The following TSHZ2 variants were observed in gnomAD, a reference collection of about 807,000 sequenced individuals.
TSHZ2 encodes teashirt homolog 2.
Under a neutral mutation model 74.4 loss-of-function variants are expected in TSHZ2, and 21 were observed. The observed-to-expected ratio is 0.28, with a 90% CI of 0.20 to 0.41. The LOEUF (loss-of-function observed/expected upper bound fraction) is 0.41. Ranked by LOEUF, TSHZ2 falls within the 10% of genes least tolerant of loss-of-function variation. TSHZ2 has a pLI of 1.00. For missense variants in TSHZ2, 1,244 were observed against 1,293.5 expected (o/e 0.96, Z 0.59); for synonymous variants, 540 against 515.3 (o/e 1.05, Z -0.65).
At chr20:53,185,823 A>C (rs545916397) in intron 1 of TSHZ2, 1 of 1,070,264 alleles carries the variant, frequency 9.3e-7, no homozygotes, top group East Asian at 2.6e-5. Flanking sequence ...AATTTAATTG[A>C]GTTTTTAAAT....
chr20:53,293,969 G>A (rs1200595300), intron 2 of TSHZ2, among the ~76,000 whole-genome samples: 1 of 152,074 alleles, frequency 6.6e-6, no homozygotes, highest in Non-Finnish European at 1.5e-5. Flanking sequence ...TGGGCCGAGA[G>A]ATCATGCCAC....
chr20:53,230,764 CACTTGTAATCCCAGCT>C (rs1989805848), intron 1 of TSHZ2, among the ~76,000 whole-genome samples: 1 of 151,808 alleles, frequency 6.6e-6, no homozygotes, highest in African/African-American at 2.4e-5. Context: ...TGGTGGTGGC[CACTTGTAATCCCAGCT>C]ACTCAGGAGG....
chr20:53,378,297 G>A (rs968366818), intron 2 of TSHZ2, among the ~76,000 whole-genome samples: 7 of 151,254 alleles, frequency 4.6e-5, no homozygotes, highest in South Asian at 2.1e-4. Context: ...CCAAGATTGC[G>A]CCACTACACT....
At chr20:53,115,802 A>T (rs923463580) in intron 1 of TSHZ2, among the ~76,000 whole-genome samples, 2 of 152,122 alleles carry the variant, frequency 1.3e-5, no homozygotes, top group Admixed American at 6.5e-5. Context: ...TGCAAAGGCC[A>T]CTGGTGGGGA....
intron 1 of TSHZ2, among the ~76,000 whole-genome samples, chr20:53,027,221 G>A (rs11906081): frequency 0.047 from 7,188 of 152,094 alleles, 371 homozygotes; most frequent in South Asian, 0.11. Flanking sequence ...GGGTTAGGAT[G>A]TACTTTTCAT....
In TSHZ2 at chr20:53,198,794, G is replaced by A. The variant is rs1988933126; in HGVS notation, c.41-54705G>A. ...TTGGGATTCAGCTTTGATAATCAAT[G>A]CCATACCATGTCCTTGGGCATGTTA... On this transcript the variant is annotated intron_variant, in intron 1 of 2. Transcript: ENST00000371497. Among the ~76,000 whole-genome samples, 3 of 152,184 alleles carry A rather than the reference G, an allele frequency of 2.0e-5. No homozygotes were observed. The South Asian group carries it at 6.2e-4, about 32-fold the overall frequency.
At chr20:53,109,316 G>T (rs1600694863) in intron 1 of TSHZ2, among the ~76,000 whole-genome samples, 3 of 152,294 alleles carry the variant, frequency 2.0e-5, no homozygotes, top group Admixed American at 6.5e-5. Flanking sequence ...TCATGGGAGG[G>T]TGTGTCTGTC....
chr20:53,462,640 G>A (rs1985416018), intron 2 of TSHZ2, among the ~76,000 whole-genome samples: 1 of 152,216 alleles, frequency 6.6e-6, no homozygotes, highest in Non-Finnish European at 1.5e-5. Flanking sequence ...TCTAGTAAAT[G>A]TTATAAGGAA....
At chr20:53,327,538 C>T (rs1979545849) in intron 2 of TSHZ2, among the ~76,000 whole-genome samples, 1 of 152,164 alleles carries the variant, frequency 6.6e-6, no homozygotes, top group Non-Finnish European at 1.5e-5. Context: ...TACAGTGCTT[C>T]CTGGAAGACC....
chr20:53,223,963 G>A (rs1212523281), intron 1 of TSHZ2, among the ~76,000 whole-genome samples: 1 of 152,006 alleles, frequency 6.6e-6, no homozygotes, highest in African/African-American at 2.4e-5. Context: ...GGTGAAACCT[G>A]AGTAGGTCAG....
intron 1 of TSHZ2, among the ~76,000 whole-genome samples, chr20:53,096,927 C>CAAAAACA (rs572772850): frequency 6.7e-5 from 9 of 134,772 alleles, no homozygotes; most frequent in Non-Finnish European, 1.7e-5. Flanking sequence ...AAAAACAAAA[C>CAAAAACA]AAAAACAAAA....
In TSHZ2 at chr20:53,255,501, C is replaced by T; in HGVS notation, c.2043C>T (p.Ala681=). ...EPTSALSNGC[A]LANHAPALPC... is the part of the protein sequence containing the mutation. The stretch of plus-strand genomic sequence containing the variant: ...CATCTGCTCTGAGCAATGGGTGCGC[C>T]CTCGCCAACCACGCCCCGGCCCTGC... The change falls in exon 2 of 3, where the codon GCC becomes GCT. Residue 681 remains alanine, a synonymous_variant. Transcript: ENST00000371497. The surrounding 1 kb of genome is among the most constrained non-coding windows in gnomAD (Gnocchi z 4.1). 6.3e-7 allele frequency: 1 copy of T among 1,594,860 alleles called. No homozygotes were observed. Among genetic ancestry groups the T allele is most frequent in the Non-Finnish European group, 8.5e-7 (1 of 1,173,076 alleles).
At chr20:53,107,757 G>A (rs1388257987) in intron 1 of TSHZ2, among the ~76,000 whole-genome samples, 1 of 152,214 alleles carries the variant, frequency 6.6e-6, no homozygotes, top group Non-Finnish European at 1.5e-5. Flanking sequence ...TCCATGTGCA[G>A]AAGTATTAAT....
At chr20:53,024,719 TC>T (rs1298374646) in intron 1 of TSHZ2, among the ~76,000 whole-genome samples, 1 of 152,122 alleles carries the variant, frequency 6.6e-6, no homozygotes, top group Non-Finnish European at 1.5e-5. Flanking sequence ...ATTGTTCAGC[TC>T]CCACTTATGA....
chr20:53,252,486 T>C (rs533774261), intron 1 of TSHZ2, among the ~76,000 whole-genome samples: 1 of 152,304 alleles, frequency 6.6e-6, no homozygotes, highest in East Asian at 1.9e-4. Context: ...GTGAAGAAAA[T>C]GAGCCCATAG....
At chr20:53,354,237 A>G (rs140303347) in intron 2 of TSHZ2, among the ~76,000 whole-genome samples, 57 of 152,342 alleles carry the variant, frequency 3.7e-4, no homozygotes, top group South Asian at 2.7e-3. Context: ...TAAGAGTCCA[A>G]TGACAATTTC....
chr20:53,114,829 G>A (rs1418103912), intron 1 of TSHZ2, among the ~76,000 whole-genome samples: 1 of 152,058 alleles, frequency 6.6e-6, no homozygotes, highest in African/African-American at 2.4e-5. Flanking sequence ...GTGTGTGTTT[G>A]CCTCCAGCAA....
At chr20:53,155,872 G>A (rs921303867) in intron 1 of TSHZ2, among the ~76,000 whole-genome samples, 1 of 152,104 alleles carries the variant, frequency 6.6e-6, no homozygotes, top group Non-Finnish European at 1.5e-5. Flanking sequence ...GGCTGTCTGG[G>A]TCACAAACTT....
chr20:53,095,434 TG>T (rs1198569652), intron 1 of TSHZ2, among the ~76,000 whole-genome samples: 1 of 152,184 alleles, frequency 6.6e-6, no homozygotes, highest in Non-Finnish European at 1.5e-5. Flanking sequence ...CAGCTGGAGC[TG>T]GGGATGGAGC....
Sources: gnomAD v4.1 joint callset for allele counts (sites outside exome capture counted in the v4.1 genomes callset) on GRCh38, gnomAD v4.1.1 for gene constraint, Gnocchi (gnomAD v3.1) non-coding constraint, MANE v1.5 for transcripts, NCBI Gene and HGNC (gene_info 2026-07-23, HGNC 2026-07-21) for gene names.